PPFIA1: variants seen among roughly 807,000 people sequenced by gnomAD.
The protein encoded by PPFIA1 is liprin-alpha-1.
PPFIA1 carries 25 observed loss-of-function variants against 149.9 expected under a neutral mutation model. The observed-to-expected ratio is 0.17, with a 90% confidence interval of 0.12 to 0.23. The LOEUF (loss-of-function observed/expected upper bound fraction) is 0.23. PPFIA1 is among the 10% of genes least tolerant of loss of function. The pLI is 1.00. For synonymous variants in PPFIA1, 549 were observed against 552.8 expected (o/e 0.99, Z 0.10); for missense variants, 1,362 against 1,506.5 (o/e 0.90, Z 1.59).
chr11:70,311,334 G>A (rs2053262034), intron 2 of PPFIA1, among the ~76,000 whole-genome samples: 1 of 151,972 alleles, frequency 6.6e-6, no homozygotes, highest in Non-Finnish European at 1.5e-5. Context: ...ATAAAGGCAG[G>A]TGCAGGGTAG....
chr11:70,367,444 A>G (rs530414336), intron 21 of PPFIA1: 42 of 450,974 alleles, frequency 9.3e-5, no homozygotes, highest in Non-Finnish European at 1.8e-4. Context: ...CAGGACACCC[A>G]TGGTCCCCCC....
At position 70,351,671 on chromosome 11, in the gene PPFIA1, G is replaced by A. The variant is rs1235476485; in HGVS notation, c.2164-2630G>A. Among the ~76,000 whole-genome samples the A allele has an allele frequency of 1.1e-4, 16 of 152,234 alleles. No individual in the cohort carries two copies. In the South Asian group the frequency reaches 1.2e-3, roughly 12 times the overall value. ...TTTTTGGGTTTGGGATGCTCAACCC[G>A]TATTTAATCCCCATACACATCCCTG... On this transcript the variant is annotated intron_variant, in intron 16 of 27. Coordinates refer to ENST00000253925, the MANE Select transcript of PPFIA1 (RefSeq NM_003626.5).
intron 2 of PPFIA1, chr11:70,284,019 G>A (rs757475712): frequency 1.3e-5 from 7 of 530,816 alleles, no homozygotes; most frequent in Non-Finnish European, 2.7e-5. Context: ...TACTTTTAAT[G>A]GCAAAAACCG....
chr11:70,356,320 G>A, intron 19 of PPFIA1, 66 bp downstream of exon 19: 1 of 1,215,326 alleles, frequency 8.2e-7, no homozygotes, highest in Admixed American at 1.9e-5. Flanking sequence ...TCTAACTAGT[G>A]TTTGTTAATT....
chr11:70,361,885 G>A (rs552315862), intron 19 of PPFIA1, among the ~76,000 whole-genome samples: 1 of 150,740 alleles, frequency 6.6e-6, no homozygotes, highest in Non-Finnish European at 1.5e-5. Flanking sequence ...TCAGTCTCCC[G>A]AGTAGCTGGG....
At chr11:70,278,199 A>G (rs993523929) in intron 2 of PPFIA1, among the ~76,000 whole-genome samples, 1 of 148,584 alleles carries the variant, frequency 6.7e-6, no homozygotes, top group Non-Finnish European at 1.5e-5. Context: ...GTGAGCCACC[A>G]TGCCTGGCCT....
At chr11:70,352,010 A>G (rs930020156) in intron 16 of PPFIA1, among the ~76,000 whole-genome samples, 4 of 152,202 alleles carry the variant, frequency 2.6e-5, no homozygotes, top group African/African-American at 9.7e-5. Flanking sequence ...TCTCTCCCTC[A>G]TAACTTTCAT....
chr11:70,317,558 T>C (rs1455905054), intron 2 of PPFIA1, among the ~76,000 whole-genome samples: 1 of 152,222 alleles, frequency 6.6e-6, no homozygotes, highest in Non-Finnish European at 1.5e-5. Context: ...TTCCCTGTAT[T>C]CTCTTTGGTT....
intron 21 of PPFIA1, chr11:70,367,556 C>A (rs564177906): frequency 1.1e-5 from 5 of 455,868 alleles, no homozygotes; most frequent in Non-Finnish European, 1.8e-5. Context: ...TCTTCTAGTT[C>A]AGATGTTCTC....
intron 2 of PPFIA1, among the ~76,000 whole-genome samples, chr11:70,305,402 G>T (rs1239354710): frequency 6.6e-6 from 1 of 151,916 alleles, no homozygotes; most frequent in Non-Finnish European, 1.5e-5. Context: ...TTGAGACAAG[G>T]TCTCACTCTG....
At chr11:70,355,523 G>T in intron 17 of PPFIA1, 116 bp from the exon 18 acceptor site, 1 of 1,001,546 alleles carries the variant, frequency 1.0e-6, no homozygotes, top group Non-Finnish European at 1.5e-6. Flanking sequence ...TGATGCACTT[G>T]GTGAGGAAGA....
chr11:70,319,029 T>C (rs2053787950), intron 2 of PPFIA1, among the ~76,000 whole-genome samples: 1 of 152,218 alleles, frequency 6.6e-6, no homozygotes, highest in Non-Finnish European at 1.5e-5. Context: ...GACTGTGAAT[T>C]GCGCTCAACT....
chr11:70,343,642 A>G, intron 14 of PPFIA1, 27 bp from the exon 15 acceptor site: 1 of 1,580,178 alleles, frequency 6.3e-7, no homozygotes, highest in Admixed American at 1.7e-5. Flanking sequence ...TACTTTATCT[A>G]CTGAGATTTG....
At chr11:70,310,603 G>A (rs906992668) in intron 2 of PPFIA1, among the ~76,000 whole-genome samples, 5 of 151,972 alleles carry the variant, frequency 3.3e-5, no homozygotes, top group Non-Finnish European at 7.4e-5. Flanking sequence ...CCAGAATGAT[G>A]TCCATCTCTT....
intron 26 of PPFIA1, among the ~76,000 whole-genome samples, chr11:70,381,667 G>A (rs1238169676): frequency 2.0e-5 from 3 of 152,234 alleles, no homozygotes; most frequent in African/African-American, 4.8e-5. Flanking sequence ...GGGCTGGGCA[G>A]CATCAGCAGT....
intron 2 of PPFIA1, among the ~76,000 whole-genome samples, chr11:70,299,868 C>T (rs1196656827): frequency 6.6e-6 from 1 of 152,236 alleles, no homozygotes; most frequent in Admixed American, 6.5e-5. Context: ...GGAGTCCACC[C>T]AGCACACTTG....
intron 26 of PPFIA1, 186 bp downstream of exon 26, chr11:70,378,381 A>G (rs2057573942): frequency 1.5e-6 from 2 of 1,295,646 alleles, no homozygotes; most frequent in Middle Eastern, 2.9e-4. Flanking sequence ...TAACCATAAT[A>G]ATAGAATTTT....
At chr11:70,300,062 C>A (rs2052374741) in intron 2 of PPFIA1, among the ~76,000 whole-genome samples, 1 of 152,018 alleles carries the variant, frequency 6.6e-6, no homozygotes, top group Non-Finnish European at 1.5e-5. Flanking sequence ...TTCCACCCGC[C>A]CCACAGATCT....
intron 21 of PPFIA1, chr11:70,362,886 C>A: frequency 6.2e-6 from 1 of 161,900 alleles, no homozygotes; most frequent in Admixed American, 5.8e-5. Flanking sequence ...CTCAGCCTTC[C>A]AATGTGCTGG....
Sources: allele counts gnomAD v4.1 joint callset (sites outside exome capture counted in the v4.1 genomes callset), GRCh38; gene constraint gnomAD v4.1.1; transcripts MANE v1.5; gene names NCBI Gene and HGNC (gene_info 2026-07-23, HGNC 2026-07-21).